Variants in BABAM2 observed in about 807,000 individuals in gnomAD.
BABAM2 encodes the protein BRISC and BRCA1-A complex member 2.
In BABAM2, 31 loss-of-function variants were observed where a neutral mutation model predicts 54.7. That is an observed-to-expected ratio of 0.57 (90% CI 0.43 to 0.77). The LOEUF is 0.77. Ranked by LOEUF, BABAM2 falls within the 30% of genes least tolerant of loss-of-function variation. The pLI, the probability that BABAM2 is intolerant of heterozygous loss-of-function variation, is 0.00. For missense variants in BABAM2, 364 were observed against 455.8 expected (o/e 0.80, Z 1.83); for synonymous variants, 167 against 162.9 (o/e 1.03, Z -0.19).
chr2:28,291,570 G>T (rs1222396234), intron 10 of BABAM2, among the ~76,000 whole-genome samples: 1 of 151,822 alleles, frequency 6.6e-6, no homozygotes, highest in Admixed American at 6.6e-5. Context: ...CTCCAGCCTG[G>T]GCAACAAGAG....
Position 28,066,170 on chromosome 2 carries a change from A to T in BABAM2, c.570+20371A>T, listed in dbSNP as rs187258301. ...TGAGACTCCATCTCATCTCAAAAAAAAAATAAATAAATAAAAAATAAAAAA... is the reference window on the plus strand; with the variant it reads ...TGAGACTCCATCTCATCTCAAAAAATAAATAAATAAATAAAAAATAAAAAA... On this transcript the variant is annotated intron_variant, in intron 6 of 11. Coordinates refer to ENST00000379624, the MANE Select transcript of BABAM2 (RefSeq NM_199191.3). Among the ~76,000 whole-genome samples the T allele has an allele frequency of 8.0e-3, 1,211 of 151,042 alleles. 14 individuals carry two copies. Among genetic ancestry groups the T allele is most frequent in the African/African-American group, 0.027 (1,122 of 41,330 alleles).
chr2:28,078,539 G>A (rs1426633248), intron 6 of BABAM2, among the ~76,000 whole-genome samples: 1 of 152,110 alleles, frequency 6.6e-6, no homozygotes, highest in African/African-American at 2.4e-5. Context: ...TTTTTGCATA[G>A]TATATAGGGG....
Position 28,298,408 on chromosome 2 carries a change from C to T in BABAM2, c.1005C>T (p.Asn335=), listed in dbSNP as rs1485673788. 6 of 1,614,040 alleles carry T rather than the reference C, an allele frequency of 3.7e-6. No homozygotes were observed. Among genetic ancestry groups the T allele is most frequent in the Non-Finnish European group, 5.1e-6 (6 of 1,180,014 alleles). Residue 335 remains asparagine, a synonymous_variant, in exon 11 of 12, where the codon AAC becomes AAT. Coordinates refer to ENST00000379624, the MANE Select transcript of BABAM2 (RefSeq NM_199191.3). ...LTFQSVYHFT[N]SGQLYSQAQK... Reference sequence around the variant, plus strand: ...TTCAGTCCGTTTATCACTTTACCAACAGTGGACAGCTTTACTCCCAGGCCC... The same window carrying T: ...TTCAGTCCGTTTATCACTTTACCAATAGTGGACAGCTTTACTCCCAGGCCC...
chr2:28,182,312 A>G (rs1239833981), intron 7 of BABAM2, among the ~76,000 whole-genome samples: 2 of 152,178 alleles, frequency 1.3e-5, no homozygotes, highest in Non-Finnish European at 2.9e-5. Flanking sequence ...AAGATATTAC[A>G]GGGTCTGTAT....
At chr2:28,298,198 A>G in intron 10 of BABAM2, 140 bp from the exon 11 acceptor site, 1 of 889,056 alleles carries the variant, frequency 1.1e-6, no homozygotes, top group Non-Finnish European at 1.7e-6. Flanking sequence ...CTCTCTATAC[A>G]CCACACCTTT....
intron 6 of BABAM2, among the ~76,000 whole-genome samples, chr2:28,079,442 A>G (rs1423464880): frequency 2.6e-5 from 4 of 152,182 alleles, no homozygotes; most frequent in Admixed American, 2.0e-4. Context: ...TTTTTGTTGT[A>G]GTACAAGAGA....
intron 1 of BABAM2, among the ~76,000 whole-genome samples, chr2:27,893,992 C>CAAAAA (rs778759632): frequency 5.9e-4 from 24 of 40,420 alleles, no homozygotes; most frequent in African/African-American, 8.4e-4. Flanking sequence ...GACTCTGTCG[C>CAAAAA]AAAAAAAAAA....
At chr2:28,010,413 C>T (rs776391765) in intron 4 of BABAM2, among the ~76,000 whole-genome samples, 2 of 151,946 alleles carry the variant, frequency 1.3e-5, no homozygotes, top group Admixed American at 6.6e-5. Flanking sequence ...GATTTTTCTG[C>T]AGATAAATGT....
At chr2:28,276,531 C>A (rs1399855110) in intron 10 of BABAM2, among the ~76,000 whole-genome samples, 1 of 152,144 alleles carries the variant, frequency 6.6e-6, no homozygotes, top group Non-Finnish European at 1.5e-5. Flanking sequence ...GACCTGTGAT[C>A]CACGCTGGGT....
chr2:27,934,373 G>T (rs559041498), intron 3 of BABAM2, among the ~76,000 whole-genome samples: 1 of 152,246 alleles, frequency 6.6e-6, no homozygotes, highest in East Asian at 1.9e-4. Flanking sequence ...ATAAGATAGT[G>T]AATTTAATCA....
intron 6 of BABAM2, among the ~76,000 whole-genome samples, chr2:28,087,567 A>G (rs932426767): frequency 2.0e-5 from 3 of 151,930 alleles, no homozygotes; most frequent in African/African-American, 4.8e-5. Context: ...GCAAGCTTAC[A>G]CAGATTTTTA....
intron 7 of BABAM2, among the ~76,000 whole-genome samples, chr2:28,160,547 G>A (rs1333416570): frequency 1.3e-5 from 2 of 151,994 alleles, no homozygotes; most frequent in Admixed American, 6.6e-5. Context: ...CAATGCACAC[G>A]ATCACACAAA....
intron 6 of BABAM2, among the ~76,000 whole-genome samples, chr2:28,093,493 A>C (rs553441342): frequency 6.6e-6 from 1 of 152,176 alleles, no homozygotes; most frequent in African/African-American, 2.4e-5. Flanking sequence ...TGTCATCAGC[A>C]TAATGTCAGC....
chr2:28,128,054 C>T (rs536964510), intron 6 of BABAM2, among the ~76,000 whole-genome samples: 29 of 152,126 alleles, frequency 1.9e-4, no homozygotes, highest in African/African-American at 6.5e-4. Context: ...CCTCGTGATC[C>T]GCCCGCCTCA....
At chr2:28,127,364 T>C (rs1441801140) in intron 6 of BABAM2, among the ~76,000 whole-genome samples, 1 of 152,118 alleles carries the variant, frequency 6.6e-6, no homozygotes, top group Non-Finnish European at 1.5e-5. Context: ...ATTTGGTGTG[T>C]TTAGTGGTTA....
chr2:27,923,389 C>T (rs1034580558), intron 2 of BABAM2, among the ~76,000 whole-genome samples: 6 of 151,892 alleles, frequency 4.0e-5, no homozygotes, highest in African/African-American at 1.2e-4. Flanking sequence ...GAGGCTGAGG[C>T]GGGAAGATTG....
rs973224665 is a variant in BABAM2 at position 28,141,071 on chromosome 2, T to G, written c.680+11691T>G. Among the ~76,000 whole-genome samples, 11 of 152,266 alleles carry G rather than the reference T, an allele frequency of 7.2e-5. No individual in the cohort carries two copies. In the East Asian group the frequency reaches 2.1e-3, roughly 29 times the overall value. ...TTATTCCATCATGGGGACTCTACCCTCATGACCTTATCTAAACCAAATTAC... is the reference window on the plus strand; with the variant it reads ...TTATTCCATCATGGGGACTCTACCCGCATGACCTTATCTAAACCAAATTAC... On this transcript the variant is annotated intron_variant, in intron 7 of 11. Coordinates refer to ENST00000379624, the MANE Select transcript of BABAM2 (RefSeq NM_199191.3).
At chr2:28,211,768 G>T (rs1679481969) in intron 7 of BABAM2, among the ~76,000 whole-genome samples, 1 of 151,890 alleles carries the variant, frequency 6.6e-6, no homozygotes. Flanking sequence ...CACAGACATT[G>T]TCATTTCACT....
intron 1 of BABAM2, among the ~76,000 whole-genome samples, chr2:27,892,696 A>G (rs1664958885): frequency 6.6e-6 from 1 of 152,228 alleles, no homozygotes; most frequent in Non-Finnish European, 1.5e-5. Flanking sequence ...GATCAACTGC[A>G]GTAATATATA....
Sources: gnomAD v4.1 joint callset for allele counts (sites outside exome capture counted in the v4.1 genomes callset) on GRCh38, gnomAD v4.1.1 for gene constraint, MANE v1.5 for transcripts, NCBI Gene and HGNC (gene_info 2026-07-23, HGNC 2026-07-21) for gene names.